The following PHF13 variants were observed in gnomAD, a reference collection of about 807,000 sequenced individuals.
PHF13 encodes PHD finger protein 13.
A neutral mutation model predicts 25.8 loss-of-function variants in PHF13; 1 was observed. The ratio of observed to expected loss-of-function variants is 0.04; its 90% confidence interval spans 0.01 to 0.18. The LOEUF (loss-of-function observed/expected upper bound fraction) is 0.18. Ranked by LOEUF, PHF13 falls within the 10% of genes least tolerant of loss-of-function variation. The probability of loss-of-function intolerance (pLI) is 1.00; values close to 1 mark genes in which losing one functional copy is unlikely to be tolerated. For synonymous variants in PHF13, 195 were observed against 162.4 expected, an observed-to-expected ratio of 1.20 and a Z score of -1.53; for missense variants, 306 against 403.2, an observed-to-expected ratio of 0.76 and a Z score of 2.06.
chr1:6,621,609 C>T lies in PHF13; in HGVS notation c.875C>T (p.Thr292Met), dbSNP rs369135255. 31 of 1,613,986 alleles carry T rather than the reference C, an allele frequency of 1.9e-5. No homozygotes were observed. Among genetic ancestry groups the T allele is most frequent in the Middle Eastern group, 1.6e-4 (1 of 6,084 alleles). Reference sequence around the variant, plus strand: ...ATCCGCCGTTCCAACCGCTCGCGGACGGGCTCCCGGAAGCTGTTCCTGGAC... The same window carrying T: ...ATCCGCCGTTCCAACCGCTCGCGGATGGGCTCCCGGAAGCTGTTCCTGGAC... ...FDIRRSNRSRTGSRKLFLD is the reference protein window; with the variant it reads ...FDIRRSNRSRMGSRKLFLD Residue 292 changes from threonine (T) to methionine (M), a missense_variant, in exon 4 of 4, where the codon ACG becomes ATG. Physicochemically the swap from Thr to Met is moderately conservative, Grantham distance 81. Transcript: ENST00000377648. The surrounding 1 kb of genome is among the most constrained non-coding windows in gnomAD (Gnocchi z 4.8).
At position 6,623,899 on chromosome 1, in the gene PHF13, G is replaced by A. The variant is rs1351976279; in HGVS notation, c.*2262G>A. The A allele has an allele frequency of 6.6e-6, 1 of 152,630 alleles. No individual in the cohort carries two copies. The highest frequency in any genetic ancestry group is 1.9e-4 in the East Asian group (1 of 5,206). The allele number at this position is 152,630 out of a possible 1,614,324, so 9.5% of individuals were successfully genotyped here. A position where few individuals can be genotyped will look rare whatever the true frequency, so the allele number is the denominator to read the frequency against. ...GCCAGACACTTCACATCGTTTACAT[G>A]GTTCTGTGTAATTTTAAAGTTTATG... On this transcript the variant is annotated 3_prime_UTR_variant, in exon 4 of 4. Transcript: ENST00000377648.
At chr1:6,615,581 G>T (rs1341162292) in intron 1 of PHF13, among the ~76,000 whole-genome samples, 1 of 152,228 alleles carries the variant, frequency 6.6e-6, no homozygotes, top group Non-Finnish European at 1.5e-5. Context: ...CCCCAGCAGA[G>T]TGGCGGCCGG....
chr1:6,613,917 C>A lies in PHF13; in HGVS notation c.-150C>A, dbSNP rs1216650345. 9.1e-6 allele frequency: 5 copies of A among 549,334 alleles called. No individual in the cohort carries two copies. Among genetic ancestry groups the A allele is most frequent in the African/African-American group, 4.1e-5 (2 of 48,920 alleles). 34.0% of individuals were successfully genotyped at this position (549,334 alleles called of 1,614,324 possible). On this transcript the variant is annotated 5_prime_UTR_variant, in exon 1 of 4. Transcript: ENST00000377648. ...GGGTCACAGAGCTTGAGAAGCGACG[C>A]GCTGAGCCCCCCATCACCTCCAGCC... is the stretch of plus-strand genomic sequence containing the variant.
intron 1 of PHF13, among the ~76,000 whole-genome samples, chr1:6,615,037 C>T (rs899004921): frequency 1.3e-5 from 2 of 151,358 alleles, no homozygotes; most frequent in South Asian, 2.1e-4. Flanking sequence ...GCGGGATGGG[C>T]CCCGCACCTT....
rs1641331919 is a variant in PHF13 at position 6,621,067 on chromosome 1, G to GTGTGCCTGTAGTCCCAGC, written c.677-342_677-325dup. On this transcript the variant is annotated intron_variant, in intron 3 of 3. Coordinates refer to ENST00000377648, the MANE Select transcript of PHF13 (RefSeq NM_153812.3). The surrounding 1 kb of genome is among the most constrained non-coding windows in gnomAD (Gnocchi z 4.8). Reference sequence around the variant, plus strand: ...AAAAACAATAGTCGAGTGTGGTGGTGTGTGCCTGTAGTCCCAGCTATTTGG... The same window carrying GTGTGCCTGTAGTCCCAGC: ...AAAAACAATAGTCGAGTGTGGTGGTGTGTGCCTGTAGTCCCAGCTGTGCCTGTAGTCCCAGCTATTTGG... Among the ~76,000 whole-genome samples the GTGTGCCTGTAGTCCCAGC allele has an allele frequency of 6.6e-6, 1 of 151,174 alleles. No individual in the cohort carries two copies. Among genetic ancestry groups the GTGTGCCTGTAGTCCCAGC allele is most frequent in the Non-Finnish European group, 1.5e-5 (1 of 67,852 alleles).
rs551651278 is a variant in PHF13, at chr1:6,616,578, T to C, written c.40-179T>C. 7.9e-5 allele frequency among the ~76,000 whole-genome samples: 12 copies of C among 152,354 alleles called. No homozygotes were observed. The East Asian group carries it at 2.1e-3, about 27-fold the overall frequency. On this transcript the variant is annotated intron_variant, in intron 1 of 3. Transcript: ENST00000377648. The stretch of plus-strand genomic sequence containing the variant: ...AGTCTTAATACTCCTCTTTCTGCTC[T>C]CTGAAAATAGTGTTATTTCTTGACC...
chr1:6,621,380 CT>C lies in PHF13; in HGVS notation c.677-29del, dbSNP rs548176601. 1.2e-4 allele frequency: 191 copies of C among 1,606,542 alleles called. 1 individual carries two copies. In the African/African-American group the frequency reaches 2.4e-3, roughly 20 times the overall value. On this transcript the variant is annotated intron_variant, in intron 3 of 3. Transcript: ENST00000377648. This position sits in a 1 kb window ranked among gnomAD's most constrained non-coding sequence, Gnocchi z 4.8. ...ATGGCGAGGAATGATGGGAATTTCT[CT>C]TCCCTCCTTGAGAGTATCTTTCCTT...
chr1:6,619,750 C>T (rs1641310323), intron 2 of PHF13, 53 bp from the exon 3 acceptor site: 1 of 1,537,038 alleles, frequency 6.5e-7, no homozygotes, highest in Non-Finnish European at 8.8e-7. Context: ...ATGCTCTGCT[C>T]TGGGCTGGAT....
chr1:6,615,928 C>A (rs1004044543), intron 1 of PHF13, among the ~76,000 whole-genome samples: 2 of 151,466 alleles, frequency 1.3e-5, no homozygotes, highest in South Asian at 4.2e-4. Flanking sequence ...CCTCTGAGCA[C>A]GAGAGAGGGG....
At chr1:6,614,210 C>T (rs1421699531) in intron 1 of PHF13, 105 bp downstream of exon 1, 7 of 884,452 alleles carry the variant, frequency 7.9e-6, no homozygotes, top group South Asian at 2.9e-5. Context: ...CCCTCCCCTT[C>T]CCCCGCTTTC....
chr1:6,621,922 G>A lies in PHF13; in HGVS notation c.*285G>A, dbSNP rs527792045. On this transcript the variant is annotated 3_prime_UTR_variant, in exon 4 of 4. Transcript: ENST00000377648. This position sits in a 1 kb window ranked among gnomAD's most constrained non-coding sequence, Gnocchi z 4.8. ...TTGGCTCATTTGAAAATGAGGGTCCGTGGTAGCTGTGCGTTTTGCTATCAT... is the reference window on the plus strand; with the variant it reads ...TTGGCTCATTTGAAAATGAGGGTCCATGGTAGCTGTGCGTTTTGCTATCAT... The A allele has an allele frequency of 2.2e-4, 110 of 491,498 alleles. No individual in the cohort carries two copies. The highest frequency in any genetic ancestry group is 1.5e-3 in the Admixed American group (46 of 30,472). 30.4% of individuals were successfully genotyped at this position (491,498 alleles called of 1,614,324 possible). A position where few individuals can be genotyped will look rare whatever the true frequency, so the allele number is the denominator to read the frequency against.
At chr1:6,614,404 CTGGGACCT>C (rs1486098913) in intron 1 of PHF13, 4 of 384,808 alleles carry the variant, frequency 1.0e-5, no homozygotes, top group Non-Finnish European at 1.9e-5. Flanking sequence ...TCGCGTCGAC[CTGGGACCT>C]GTCGGCGCCC....
At chr1:6,616,441 T>A (rs1641262000) in intron 1 of PHF13, among the ~76,000 whole-genome samples, 1 of 152,242 alleles carries the variant, frequency 6.6e-6, no homozygotes, top group South Asian at 2.1e-4. Context: ...CTTCGCCTGA[T>A]AGGCCTGTGG....
rs377040297 is a variant in PHF13 at position 6,620,053 on chromosome 1, G to C, written c.392G>C (p.Gly131Ala). Reference protein sequence around the residue: ...KRKRRDSDAPGKEGYRGGLLK... With the variant: ...KRKRRDSDAPAKEGYRGGLLK... ...AAGCGCAGGGACAGTGATGCGCCTG[G>C]GAAAGAGGGGTACAGGGGGGGCTTG... The change falls in exon 3 of 4, where the codon GGG (glycine) becomes GCG (alanine). Residue 131 changes from glycine to alanine, a missense_variant. By Grantham distance (60) the Gly-to-Ala change is moderately conservative (BLOSUM62 0). Around this residue, in one of 5 missense-constraint regions of PHF13, gnomAD observed 186 missense variants for 164.0 expected, o/e 1.13. Coordinates refer to ENST00000377648, the MANE Select transcript of PHF13 (RefSeq NM_153812.3). 10 of 1,613,500 alleles carry C rather than the reference G, an allele frequency of 6.2e-6. No homozygotes were observed. In the African/African-American group the frequency reaches 1.2e-4, roughly 19 times the overall value.
At chr1:6,615,137 G>A (rs1455880964) in intron 1 of PHF13, among the ~76,000 whole-genome samples, 1 of 151,402 alleles carries the variant, frequency 6.6e-6, no homozygotes, top group Admixed American at 6.6e-5. Flanking sequence ...GGCCGGGGGG[G>A]CGGGCGGCGT....
chr1:6,619,310 C>A (rs972254503), intron 2 of PHF13, among the ~76,000 whole-genome samples: 2 of 151,566 alleles, frequency 1.3e-5, no homozygotes, highest in African/African-American at 4.8e-5. Context: ...GAGTTTCTCT[C>A]TTCGTGGCAT....
At chr1:6,617,733 G>T (rs565289377) in intron 2 of PHF13, among the ~76,000 whole-genome samples, 6 of 152,172 alleles carry the variant, frequency 3.9e-5, no homozygotes, top group Non-Finnish European at 7.3e-5. Context: ...CTGGCTGTCT[G>T]CTTGCTTTTA....
Sources: gnomAD v4.1 joint callset for allele counts (sites outside exome capture counted in the v4.1 genomes callset) on GRCh38, gnomAD v4.1.1 for gene constraint, gnomAD v4.1.1 regional missense constraint, Gnocchi (gnomAD v3.1) non-coding constraint, MANE v1.5 for transcripts, NCBI Gene and HGNC (gene_info 2026-07-23, HGNC 2026-07-21) for gene names.